The following IL6R variants were observed in gnomAD, a reference collection of about 807,000 sequenced individuals.
IL6R encodes interleukin 6 receptor.
In IL6R, 38 loss-of-function variants were observed where a neutral mutation model predicts 48.3. That is an observed-to-expected ratio of 0.79 (90% confidence interval 0.61 to 1.03). The LOEUF is 1.03. Ranked by LOEUF, IL6R falls within the 50% of genes least tolerant of loss-of-function variation. The pLI, the probability that IL6R is intolerant of heterozygous loss-of-function variation, is 0.00. For synonymous variants in IL6R, 264 were observed against 256.2 expected, an observed-to-expected ratio of 1.03 and a Z score of -0.29; for missense variants, 534 against 618.3, an observed-to-expected ratio of 0.86 and a Z score of 1.45.
chr1:154,431,980 G>A (rs557975765), intron 3 of IL6R, among the ~76,000 whole-genome samples: 112 of 152,286 alleles, frequency 7.4e-4, no homozygotes, highest in African/African-American at 2.2e-3. Context: ...ACAGGTAGCC[G>A]AAATCTTGGA....
At chr1:154,413,084 C>T (rs1289460697) in intron 1 of IL6R, among the ~76,000 whole-genome samples, 2 of 151,928 alleles carry the variant, frequency 1.3e-5, no homozygotes, top group African/African-American at 2.4e-5. Flanking sequence ...TCACTGCAAC[C>T]TCTGCCTCCC....
At chr1:154,416,438 C>T (rs1326425899) in intron 1 of IL6R, among the ~76,000 whole-genome samples, 2 of 152,012 alleles carry the variant, frequency 1.3e-5, no homozygotes, top group Admixed American at 6.6e-5. Flanking sequence ...AGCCACTGCA[C>T]CTGGCCAAGT....
chr1:154,445,684 A>C (rs1413264192), intron 6 of IL6R, among the ~76,000 whole-genome samples: 4 of 151,140 alleles, frequency 2.6e-5, no homozygotes, highest in Non-Finnish European at 2.9e-5. Flanking sequence ...CAGGAGGCGG[A>C]GCTTGCAGTG....
chr1:154,446,756 A>G (rs1376950413), intron 6 of IL6R, among the ~76,000 whole-genome samples: 1 of 152,202 alleles, frequency 6.6e-6, no homozygotes, highest in East Asian at 1.9e-4. Flanking sequence ...TATATTTTTT[A>G]TTGCAAAAAG....
At chr1:154,406,993 C>T (rs1454626715) in intron 1 of IL6R, among the ~76,000 whole-genome samples, 1 of 152,114 alleles carries the variant, frequency 6.6e-6, no homozygotes, top group African/African-American at 2.4e-5. Flanking sequence ...TTGTCAGGCC[C>T]CGGTGATGGA....
chr1:154,433,208 G>A (rs1225018763), intron 3 of IL6R, among the ~76,000 whole-genome samples: 1 of 152,228 alleles, frequency 6.6e-6, no homozygotes, highest in Admixed American at 6.5e-5. Flanking sequence ...TGTCCCATGT[G>A]CTGGATTCAG....
At chr1:154,414,578 C>T (rs748436007) in intron 1 of IL6R, 8 of 750,790 alleles carry the variant, frequency 1.1e-5, no homozygotes, top group Admixed American at 2.0e-5. Flanking sequence ...GGGATTTTCT[C>T]ATAGGCTTTC....
chr1:154,416,826 G>C (rs1160798780), intron 1 of IL6R, among the ~76,000 whole-genome samples: 1 of 151,844 alleles, frequency 6.6e-6, no homozygotes, highest in Non-Finnish European at 1.5e-5. Context: ...GCCTCACACT[G>C]GGTGGGTTTT....
At chr1:154,440,260 T>C (rs939909907) in intron 6 of IL6R, among the ~76,000 whole-genome samples, 4 of 152,234 alleles carry the variant, frequency 2.6e-5, no homozygotes, top group African/African-American at 9.6e-5. Flanking sequence ...GGCTGAATAA[T>C]ATTCCATTGT....
intron 6 of IL6R, among the ~76,000 whole-genome samples, chr1:154,438,480 A>G (rs1689759062): frequency 1.3e-5 from 2 of 152,292 alleles, no homozygotes; most frequent in South Asian, 4.1e-4. Flanking sequence ...TAGTTGAACC[A>G]AATTAATCAT....
At chr1:154,426,101 A>C (rs1394238334) in intron 1 of IL6R, among the ~76,000 whole-genome samples, 1 of 151,052 alleles carries the variant, frequency 6.6e-6, no homozygotes, top group Non-Finnish European at 1.5e-5. Flanking sequence ...ACACACACAC[A>C]CACACACATA....
chr1:154,439,152 A>G (rs61812594), intron 6 of IL6R, among the ~76,000 whole-genome samples: 18,771 of 152,132 alleles, frequency 0.12, 1,419 homozygotes, highest in South Asian at 0.18. Flanking sequence ...AATTCCAAAT[A>G]TAGGCTGATC....
At chr1:154,448,097 T>A (rs760208590) in intron 6 of IL6R, 28 bp from the exon 7 acceptor site, 1 of 1,601,520 alleles carries the variant, frequency 6.2e-7, no homozygotes, top group Non-Finnish European at 8.6e-7. Context: ...CATGAATCAC[T>A]AATAATGAGC....
chr1:154,452,937 G>T (rs1246516035), intron 8 of IL6R, among the ~76,000 whole-genome samples: 1 of 152,180 alleles, frequency 6.6e-6, no homozygotes, highest in Non-Finnish European at 1.5e-5. Context: ...AGGCGCCGTG[G>T]CTCATGCCTG....
In IL6R at chr1:154,407,092, G is replaced by A. The variant is rs746475; in HGVS notation, c.85+1378G>A. On this transcript the variant is annotated intron_variant, in intron 1 of 9. Transcript: ENST00000368485. ...ACTAGATCAGCAGGCAGAGCTGGGGGCATTGGGGCAAGCTGAGAGTCACTC... is the reference window on the plus strand; with the variant it reads ...ACTAGATCAGCAGGCAGAGCTGGGGACATTGGGGCAAGCTGAGAGTCACTC... 3.5e-3 allele frequency among the ~76,000 whole-genome samples: 535 copies of A among 152,316 alleles called. 1 individual carries two copies. Among genetic ancestry groups the A allele is most frequent in the African/African-American group, 0.012 (518 of 41,566 alleles).
intron 1 of IL6R, among the ~76,000 whole-genome samples, chr1:154,412,632 C>T (rs1558297766): frequency 1.3e-5 from 2 of 152,152 alleles, no homozygotes; most frequent in Non-Finnish European, 2.9e-5. Flanking sequence ...GAGAGAGAGG[C>T]ACTAATGCAG....
chr1:154,453,381 C>T (rs1690697293), intron 8 of IL6R, among the ~76,000 whole-genome samples: 1 of 152,242 alleles, frequency 6.6e-6, no homozygotes, highest in Non-Finnish European at 1.5e-5. Flanking sequence ...CTGCCTGACT[C>T]TAGTAGGCAT....
intron 9 of IL6R, among the ~76,000 whole-genome samples, chr1:154,458,128 G>C (rs1240311538): frequency 6.6e-6 from 1 of 151,780 alleles, no homozygotes; most frequent in Non-Finnish European, 1.5e-5. Flanking sequence ...CACCACGCCT[G>C]GCTAATTTTT....
rs1216630900 is a variant in IL6R, at chr1:154,435,974, G to A, written c.813G>A (p.Lys271=). The A allele has an allele frequency of 1.9e-6, 3 of 1,603,370 alleles. No individual in the cohort carries two copies. Among genetic ancestry groups the A allele is most frequent in the East Asian group, 4.5e-5 (2 of 44,512 alleles). The change falls in exon 6 of 10, where the codon AAG becomes AAA. Residue 271 remains lysine, a synonymous_variant. Transcript: ENST00000368485. ...RSKTFTTWMV[K]DLQHHCVIHD... ...CACCGTGCCCCCGCCCTCAGGTCAA[G>A]GACCTCCAGCATCACTGTGTCATCC... is the stretch of plus-strand genomic sequence containing the variant.
Sources: allele counts gnomAD v4.1 joint callset (sites outside exome capture counted in the v4.1 genomes callset), GRCh38; gene constraint gnomAD v4.1.1; transcripts MANE v1.5; gene names NCBI Gene and HGNC (gene_info 2026-07-23, HGNC 2026-07-21).